The following PHKB variants were observed in gnomAD, a reference collection of about 807,000 sequenced individuals.
The protein encoded by PHKB is phosphorylase b kinase regulatory subunit beta.
PHKB carries 122 observed loss-of-function variants against 152.1 expected under a neutral mutation model. The ratio of observed to expected loss-of-function variants is 0.80; its 90% CI spans 0.69 to 0.93. PHKB has a LOEUF of 0.93. PHKB is among the 40% of genes least tolerant of loss of function. PHKB has a pLI of 0.00. For missense variants in PHKB, 1,304 were observed against 1,328.4 expected (o/e 0.98, Z 0.29); for synonymous variants, 436 against 464.9 (o/e 0.94, Z 0.80).
chr16:47,480,043 T>C (rs1178600961), intron 1 of PHKB, among the ~76,000 whole-genome samples: 1 of 152,110 alleles, frequency 6.6e-6, no homozygotes, highest in Non-Finnish European at 1.5e-5. Flanking sequence ...GAAATGAGTA[T>C]ATATATATAC....
In PHKB at chr16:47,643,558, G is replaced by A. The variant is rs138843215; in HGVS notation, c.1608+1866G>A. ...CAAGAGCCAACCTTCCTGTGCATGT[G>A]TTGAGATGGAAGATTGTTTTTTGGT... is the stretch of plus-strand genomic sequence containing the variant. On this transcript the variant is annotated intron_variant, in intron 16 of 30. Coordinates refer to ENST00000323584, the MANE Select transcript of PHKB (RefSeq NM_000293.3). Among the ~76,000 whole-genome samples the A allele has an allele frequency of 2.2e-3, 340 of 152,362 alleles. 7 individuals are homozygous for A. The highest frequency in any genetic ancestry group is 1.7e-3 in the South Asian group (8 of 4,822).
chr16:47,485,506 A>T (rs927444107), intron 1 of PHKB, among the ~76,000 whole-genome samples: 7 of 152,202 alleles, frequency 4.6e-5, no homozygotes, highest in African/African-American at 1.7e-4. Flanking sequence ...GTAGCAGGAG[A>T]TAGGGTAGTC....
At chr16:47,614,935 G>A (rs1017025008) in intron 14 of PHKB, among the ~76,000 whole-genome samples, 1 of 152,094 alleles carries the variant, frequency 6.6e-6, no homozygotes, top group African/African-American at 2.4e-5. Context: ...AAATTTCTTA[G>A]TTTTCCTTTG....
At chr16:47,565,794 C>G in intron 7 of PHKB, 1 of 1,488,896 alleles carries the variant, frequency 6.7e-7, no homozygotes, top group Non-Finnish European at 9.3e-7. Flanking sequence ...TTCTCTTTCT[C>G]TAGCAGCTGT....
intron 7 of PHKB, among the ~76,000 whole-genome samples, chr16:47,556,711 G>C (rs1567305109): frequency 6.6e-6 from 1 of 152,148 alleles, no homozygotes; most frequent in Non-Finnish European, 1.5e-5. Context: ...GTTCATCAAG[G>C]ATATTGGTCT....
At chr16:47,685,765 A>G (rs1035454637) in intron 26 of PHKB, among the ~76,000 whole-genome samples, 2 of 148,780 alleles carry the variant, frequency 1.3e-5, no homozygotes, top group Non-Finnish European at 3.0e-5. Flanking sequence ...TTTTTGAGAC[A>G]GAGTCTCACT....
intron 14 of PHKB, among the ~76,000 whole-genome samples, chr16:47,617,557 G>A (rs1453610540): frequency 6.6e-6 from 1 of 151,938 alleles, no homozygotes; most frequent in African/African-American, 2.4e-5. Flanking sequence ...CTTTCTGCGT[G>A]TGGCTTATTT....
chr16:47,522,938 C>T (rs1214296495), intron 6 of PHKB, among the ~76,000 whole-genome samples: 1 of 146,716 alleles, frequency 6.8e-6, no homozygotes, highest in Non-Finnish European at 1.5e-5. Context: ...CATGGTTATT[C>T]ACATTATTGC....
At chr16:47,662,105 C>G (rs1323896061) in intron 23 of PHKB, among the ~76,000 whole-genome samples, 1 of 152,134 alleles carries the variant, frequency 6.6e-6, no homozygotes, top group Non-Finnish European at 1.5e-5. Context: ...TGTTTATTGA[C>G]AGTTTCTGTT....
At chr16:47,647,086 C>T (rs1973142334) in intron 16 of PHKB, among the ~76,000 whole-genome samples, 1 of 151,412 alleles carries the variant, frequency 6.6e-6, no homozygotes, top group African/African-American at 2.4e-5. Context: ...GCAGACTTTC[C>T]CCCTCAGTTT....
chr16:47,611,927 T>C (rs957387416), intron 14 of PHKB, among the ~76,000 whole-genome samples: 9 of 152,350 alleles, frequency 5.9e-5, no homozygotes, highest in Admixed American at 5.9e-4. Context: ...TAGCTCTTTA[T>C]GTAAGGGGGT....
At chr16:47,565,319 A>G (rs1221184844) in intron 7 of PHKB, 2 of 781,368 alleles carry the variant, frequency 2.6e-6, no homozygotes, top group Non-Finnish European at 4.7e-6. Context: ...GGGGACATTC[A>G]TCCCATCTAC....
chr16:47,480,520 T>C (rs1407937203), intron 1 of PHKB, among the ~76,000 whole-genome samples: 1 of 152,220 alleles, frequency 6.6e-6, no homozygotes, highest in Non-Finnish European at 1.5e-5. Context: ...TCAAGAAATA[T>C]AATTTTCTTT....
At chr16:47,566,854 G>C (rs1185701102) in intron 7 of PHKB, 59 of 711,914 alleles carry the variant, frequency 8.3e-5, no homozygotes, top group Non-Finnish European at 1.3e-4. Flanking sequence ...GTTAGGGAGA[G>C]AGTCTTCCCC....
At chr16:47,687,268 A>G (rs76975849) in intron 26 of PHKB, among the ~76,000 whole-genome samples, 1,635 of 152,346 alleles carry the variant, frequency 0.011, 31 homozygotes, top group African/African-American at 0.038. Context: ...TTTAAAGAAG[A>G]GGCCCACTGA....
intron 6 of PHKB, chr16:47,529,575 T>G (rs1970826240): frequency 6.6e-6 from 1 of 152,180 alleles, no homozygotes; most frequent in Non-Finnish European, 1.5e-5. Context: ...CTCGATCTCC[T>G]GACCTCGTGA....
At chr16:47,593,403 G>C (rs1972064751) in intron 10 of PHKB, 97 bp from the exon 11 acceptor site, 6 of 716,892 alleles carry the variant, frequency 8.4e-6, no homozygotes, top group South Asian at 7.7e-5. Context: ...TTGTGCCACT[G>C]CACTCCAGCC....
chr16:47,640,631 A>C (rs1024281660), intron 14 of PHKB, among the ~76,000 whole-genome samples: 3 of 152,258 alleles, frequency 2.0e-5, no homozygotes, highest in African/African-American at 7.2e-5. Context: ...TAAGATGTCA[A>C]ATGAACAATT....
intron 26 of PHKB, among the ~76,000 whole-genome samples, chr16:47,674,544 A>G (rs189792568): frequency 6.6e-6 from 1 of 152,332 alleles, no homozygotes; most frequent in African/African-American, 2.4e-5. Flanking sequence ...ACACAAAAAA[A>G]GCTTTCTGAA....
Sources: gnomAD v4.1 joint callset for allele counts (sites outside exome capture counted in the v4.1 genomes callset) on GRCh38, gnomAD v4.1.1 for gene constraint, MANE v1.5 for transcripts, NCBI Gene and HGNC (gene_info 2026-07-23, HGNC 2026-07-21) for gene names.